Variants in UBN2 observed in about 807,000 individuals in gnomAD.
UBN2 encodes ubinuclein-2.
A neutral mutation model predicts 120.2 loss-of-function variants in UBN2; 35 were observed. The observed-to-expected ratio is 0.29, with a 90% CI of 0.22 to 0.39. The LOEUF (loss-of-function observed/expected upper bound fraction) is 0.39. Ranked by LOEUF, UBN2 falls within the 10% of genes least tolerant of loss-of-function variation. UBN2 has a pLI of 1.00. For synonymous variants in UBN2, 661 were observed against 648.7 expected (o/e 1.02, Z -0.29); for missense variants, 1,693 against 1,663.2 (o/e 1.02, Z -0.31).
intron 15 of UBN2, among the ~76,000 whole-genome samples, chr7:139,291,685 A>G (rs1179769244): frequency 2.0e-5 from 3 of 151,612 alleles, no homozygotes; most frequent in Admixed American, 1.3e-4. Flanking sequence ...CATCTCTACA[A>G]AAACATATTG....
chr7:139,322,225 C>T, the UBN2 span, among the ~76,000 whole-genome samples: 1 of 152,096 alleles, frequency 6.6e-6, no homozygotes, highest in Non-Finnish European at 1.5e-5. Context: ...CCGCCCACCT[C>T]GGCCTCCCAA....
chr7:139,264,908 A>G (rs144299640), intron 6 of UBN2, among the ~76,000 whole-genome samples: 3 of 152,154 alleles, frequency 2.0e-5, no homozygotes, highest in Admixed American at 6.6e-5. Flanking sequence ...TAATTAATAC[A>G]TATAAGATGT....
At chr7:139,286,907 A>G (rs1282875734) in intron 15 of UBN2, among the ~76,000 whole-genome samples, 1 of 152,238 alleles carries the variant, frequency 6.6e-6, no homozygotes, top group Admixed American at 6.5e-5. Flanking sequence ...TAATGTAGGC[A>G]TAGGAATGAC....
chr7:139,316,111 G>T, the UBN2 span, among the ~76,000 whole-genome samples: 1 of 92,540 alleles, frequency 1.1e-5, no homozygotes, highest in African/African-American at 5.3e-5. Context: ...AAAAAAAGGG[G>T]TTCCAGTTCT....
At position 139,297,799 on chromosome 7, in the gene UBN2, G is replaced by C; in HGVS notation, c.4007G>C (p.Ser1336Thr). The change falls in exon 18 of 18, where the codon AGT becomes ACT. Residue 1336 changes from serine to threonine, a missense_variant. By Grantham distance (58) the Ser-to-Thr change is moderately conservative. Coordinates refer to ENST00000473989, the MANE Select transcript of UBN2 (RefSeq NM_173569.4). ...CTCTTTTTCTCAGATGGAGGCCAAA[G>C]TAAAGGGGACACTAAATTACCACGG... is the stretch of plus-strand genomic sequence containing the variant. Reference protein sequence around the residue: ...LQQAFHDGGQSKGDTKLPRKS... With the variant: ...LQQAFHDGGQTKGDTKLPRKS... The C allele has an allele frequency of 6.2e-7, 1 of 1,614,098 alleles. No homozygotes were observed. The highest frequency in any genetic ancestry group is 8.5e-7 in the Non-Finnish European group (1 of 1,179,988).
intron 2 of UBN2, among the ~76,000 whole-genome samples, chr7:139,244,130 C>T (rs1796396832): frequency 6.6e-6 from 1 of 152,132 alleles, no homozygotes; most frequent in Non-Finnish European, 1.5e-5. Context: ...GAGTTTCTTG[C>T]CCCAGAGAGC....
At chr7:139,237,960 C>T (rs1384527057) in intron 2 of UBN2, among the ~76,000 whole-genome samples, 1 of 152,162 alleles carries the variant, frequency 6.6e-6, no homozygotes, top group Non-Finnish European at 1.5e-5. Flanking sequence ...TATTCAGTGC[C>T]ACAATATAGT....
Position 139,283,549 on chromosome 7 carries a change from C to A in UBN2, c.2644C>A (p.Gln882Lys). 5 of 1,614,156 alleles carry A rather than the reference C, an allele frequency of 3.1e-6. No individual in the cohort carries two copies. Among genetic ancestry groups the A allele is most frequent in the Non-Finnish European group, 4.2e-6 (5 of 1,180,020 alleles). ...LPARLLQQGL[Q>K]RSSQIHTSSS... The stretch of plus-strand genomic sequence containing the variant: ...AGCCAGGCTACTTCAACAAGGACTT[C>A]AGAGGTCAAGCCAGATTCACACTTC... The change falls in exon 15 of 18, where the codon CAG becomes AAG. Residue 882 changes from glutamine (Q) to lysine (K), a missense_variant. Gln to Lys is a moderately conservative substitution (Grantham distance 53, BLOSUM62 1). Coordinates refer to ENST00000473989, the MANE Select transcript of UBN2 (RefSeq NM_173569.4).
At chr7:139,281,907 G>GT in intron 13 of UBN2, 98 bp from the exon 14 acceptor site, 1 of 1,167,102 alleles carries the variant, frequency 8.6e-7, no homozygotes, top group Non-Finnish European at 1.3e-6. Flanking sequence ...TGGTAGTGAG[G>GT]TTTTTAATCA....
chr7:139,319,379 G>A, the UBN2 span, among the ~76,000 whole-genome samples: 1 of 152,108 alleles, frequency 6.6e-6, no homozygotes, highest in Admixed American at 6.6e-5. Context: ...CACCGCACCC[G>A]GTCCACAAGA....
chr7:139,285,642 GTTAT>G (rs905549341), intron 15 of UBN2, among the ~76,000 whole-genome samples: 7 of 152,102 alleles, frequency 4.6e-5, no homozygotes, highest in African/African-American at 7.2e-5. Context: ...CTCAGAACTG[GTTAT>G]TTATTTTAGA....
At chr7:139,325,429 A>G in the UBN2 span, among the ~76,000 whole-genome samples, 16,866 of 151,704 alleles carry the variant, frequency 0.11, 1,393 homozygotes, top group African/African-American at 0.24. Flanking sequence ...TACCACGCTC[A>G]GCTAATGTTT....
chr7:139,250,998 C>T lies in UBN2; in HGVS notation c.562-958C>T, dbSNP rs180898528. On this transcript the variant is annotated intron_variant, in intron 2 of 17. Coordinates refer to ENST00000473989, the MANE Select transcript of UBN2 (RefSeq NM_173569.4). ...AGGCATGCACCTGTAGTCCCACTTA[C>T]GAGGCTGAGGCAGGAGGTTCACTTG... 3.2e-4 allele frequency among the ~76,000 whole-genome samples: 48 copies of T among 151,844 alleles called. No homozygotes were observed. The East Asian group carries it at 5.1e-3, about 16-fold the overall frequency.
chr7:139,314,333 T>C, the UBN2 span, among the ~76,000 whole-genome samples: 1 of 151,440 alleles, frequency 6.6e-6, no homozygotes, highest in African/African-American at 2.4e-5. Context: ...TGGGCTCCTG[T>C]AGTCCCAGCC....
chr7:139,283,748 G>A lies in UBN2; in HGVS notation c.2843G>A (p.Ser948Asn). 6.2e-7 allele frequency: 1 copy of A among 1,613,754 alleles called. No homozygotes were observed. Among genetic ancestry groups the A allele is most frequent in the Non-Finnish European group, 8.5e-7 (1 of 1,180,024 alleles). The part of the protein sequence containing the change: ...NYVSPLQATI[S>N]KSQTNPVVKL... ...GTGTCTCCATTACAGGCCACCATCA[G>A]TAAATCCCAGACCAACCCCGTCGTG... The change falls in exon 15 of 18, where the codon AGT becomes AAT. Residue 948 changes from serine to asparagine, a missense_variant. Ser to Asn is a conservative substitution (Grantham distance 46, BLOSUM62 1). This residue lies in a region of UBN2 where 837 missense variants were observed against 817.6 expected (regional missense o/e 1.02). Coordinates refer to ENST00000473989, the MANE Select transcript of UBN2 (RefSeq NM_173569.4).
intron 2 of UBN2, among the ~76,000 whole-genome samples, chr7:139,237,453 C>T (rs530317655): frequency 2.0e-5 from 3 of 152,200 alleles, no homozygotes; most frequent in Non-Finnish European, 4.4e-5. Context: ...CAACACCACA[C>T]CCAGCTAATT....
In UBN2 at chr7:139,283,125, C is replaced by G; in HGVS notation, c.2220C>G (p.Ser740Arg). Residue 740 changes from serine (S) to arginine (R), a missense_variant, in exon 15 of 18, where the codon AGC (serine) becomes AGG (arginine). Ser to Arg is a moderately radical substitution (Grantham distance 110). Coordinates refer to ENST00000473989, the MANE Select transcript of UBN2 (RefSeq NM_173569.4). ...SSSTAAIAAA[S>R]SSSAPAQETI... is the part of the protein sequence containing the mutation. ...GCACAGCTGCCATTGCTGCAGCTAG[C>G]TCTAGCTCTGCACCAGCCCAAGAAA... is the stretch of plus-strand genomic sequence containing the variant. The G allele has an allele frequency of 6.2e-7, 1 of 1,612,814 alleles. No individual in the cohort carries two copies. Among genetic ancestry groups the G allele is most frequent in the Non-Finnish European group, 8.5e-7 (1 of 1,179,866 alleles).
intron 15 of UBN2, among the ~76,000 whole-genome samples, chr7:139,288,520 C>A (rs1224296842): frequency 6.6e-6 from 1 of 152,076 alleles, no homozygotes; most frequent in African/African-American, 2.4e-5. Flanking sequence ...GAGACCAGAA[C>A]CATGTCATGG....
At chr7:139,267,780 G>A (rs969309760) in intron 7 of UBN2, among the ~76,000 whole-genome samples, 2 of 152,162 alleles carry the variant, frequency 1.3e-5, no homozygotes, top group African/African-American at 4.8e-5. Context: ...TAGTATGGTG[G>A]CAGAGGAGTT....
Sources: allele counts gnomAD v4.1 joint callset (sites outside exome capture counted in the v4.1 genomes callset), GRCh38; gene constraint gnomAD v4.1.1; regional missense constraint gnomAD v4.1.1; transcripts MANE v1.5; gene names NCBI Gene and HGNC (gene_info 2026-07-23, HGNC 2026-07-21).